SULT4A1: variants seen among roughly 807,000 people sequenced by gnomAD.
SULT4A1 encodes the protein sulfotransferase 4A1.
A neutral mutation model predicts 35.2 loss-of-function variants in SULT4A1; 11 were observed. The ratio of observed to expected loss-of-function variants is 0.31; its 90% CI spans 0.20 to 0.52. The LOEUF is 0.52. SULT4A1 is among the 20% of genes least tolerant of loss of function. The probability of loss-of-function intolerance (pLI) is 0.97; values close to 1 mark genes in which losing one functional copy is unlikely to be tolerated. For synonymous variants in SULT4A1, 152 were observed against 151.8 expected, an observed-to-expected ratio of 1.00 and a Z score of -0.01; for missense variants, 271 against 383.7, an observed-to-expected ratio of 0.71 and a Z score of 2.45.
intron 1 of SULT4A1, among the ~76,000 whole-genome samples, chr22:43,854,543 C>T (rs1221244924): frequency 1.3e-5 from 2 of 152,210 alleles, no homozygotes; most frequent in African/African-American, 2.4e-5. Flanking sequence ...CAGTGCCCAC[C>T]TACACCCCTC....
chr22:43,850,745 G>C (rs997515218), intron 1 of SULT4A1, among the ~76,000 whole-genome samples: 1 of 152,176 alleles, frequency 6.6e-6, no homozygotes, highest in Non-Finnish European at 1.5e-5. Flanking sequence ...ATGTGAGACT[G>C]AGGTGACTGC....
At chr22:43,827,444 A>G in intron 6 of SULT4A1, 2 of 1,222,134 alleles carry the variant, frequency 1.6e-6, no homozygotes, top group Non-Finnish European at 1.0e-6. Flanking sequence ...TGCTAGAGCA[A>G]CCAAACTATT....
intron 6 of SULT4A1, chr22:43,826,535 C>T: frequency 1.0e-6 from 1 of 985,400 alleles, no homozygotes; most frequent in South Asian, 4.7e-5. Context: ...CTCTGGGCAT[C>T]ACAGGCAGCC....
chr22:43,828,657 G>T (rs2063304986), intron 6 of SULT4A1: 1 of 174,312 alleles, frequency 5.7e-6, no homozygotes, highest in Admixed American at 6.3e-5. Context: ...AAGTCAGTTA[G>T]AGACTGAGAA....
chr22:43,837,722 G>A (rs1288041533), intron 4 of SULT4A1, among the ~76,000 whole-genome samples: 3 of 152,150 alleles, frequency 2.0e-5, no homozygotes, highest in Non-Finnish European at 4.4e-5. Context: ...AGCCTGTGGC[G>A]CCCTGCACCG....
intron 1 of SULT4A1, among the ~76,000 whole-genome samples, chr22:43,858,878 G>T (rs527469994): frequency 1.2e-4 from 19 of 152,272 alleles, no homozygotes; most frequent in African/African-American, 4.6e-4. Context: ...AAAGTGGGTG[G>T]AGGGCAAAAC....
intron 1 of SULT4A1, among the ~76,000 whole-genome samples, chr22:43,850,407 A>T (rs2063503185): frequency 6.6e-6 from 1 of 152,216 alleles, no homozygotes; most frequent in Non-Finnish European, 1.5e-5. Flanking sequence ...TACACCATGT[A>T]GTGATTACAT....
rs35440494 is a variant in SULT4A1 at position 43,828,976 on chromosome 22, C to T, written c.742+84G>A. 44 of 1,405,610 alleles carry T rather than the reference C, an allele frequency of 3.1e-5. 1 individual carries two copies. In the Admixed American group the frequency reaches 7.7e-4, roughly 25 times the overall value. 87.1% of individuals were successfully genotyped at this position (1,405,610 alleles called of 1,614,324 possible). On this transcript the variant is annotated intron_variant, in intron 6 of 6. Transcript: ENST00000330884. ...GGAGAGCAGGGAGGGCAACAGGGAC[C>T]GGACTCGGCTCCCTAAGCAGGCAGA...
chr22:43,862,464 GCACA>G lies in SULT4A1; in HGVS notation c.-86_-83del. On this transcript the variant is annotated 5_prime_UTR_variant, in exon 1 of 7. Transcript: ENST00000330884. ...GCGCCCGCGCCCGCGCCCGCGCCCC[GCACA>G]CGCTCGCGCCCCACCGGCGCGCGGC... 24 of 514,020 alleles carry G rather than the reference GCACA, an allele frequency of 4.7e-5. No homozygotes were observed. Among genetic ancestry groups the G allele is most frequent in the Non-Finnish European group, 5.3e-5 (22 of 416,332 alleles). The allele number at this position is 514,020 out of a possible 1,614,324, so 31.8% of individuals were successfully genotyped here.
At position 43,828,631 on chromosome 22, in the gene SULT4A1, C is replaced by A. The variant is rs376288671; in HGVS notation, c.742+429G>T. ...GTGTCTCCTAACTTCCCGCCCACTT[C>A]ATTTAACTCTCCCACAAGTCAGTTA... is the stretch of plus-strand genomic sequence containing the variant. On this transcript the variant is annotated intron_variant, in intron 6 of 6. Coordinates refer to ENST00000330884, the MANE Select transcript of SULT4A1 (RefSeq NM_014351.4). 6.2e-4 allele frequency among the ~76,000 whole-genome samples: 94 copies of A among 152,352 alleles called. No homozygotes were observed. The East Asian group carries it at 0.017, about 28-fold the overall frequency.
At chr22:43,841,709 A>T in intron 2 of SULT4A1, 93 bp downstream of exon 2, 1 of 1,532,494 alleles carries the variant, frequency 6.5e-7, no homozygotes, top group Non-Finnish European at 8.8e-7. Context: ...CCCCTAATCC[A>T]CAGAGCCCCC....
At chr22:43,840,660 T>A (rs1328694370) in intron 2 of SULT4A1, among the ~76,000 whole-genome samples, 1 of 152,180 alleles carries the variant, frequency 6.6e-6, no homozygotes, top group African/African-American at 2.4e-5. Flanking sequence ...CCTGGCCTGA[T>A]GCGCTCACTG....
At chr22:43,838,028 C>G (rs2148286337) in intron 4 of SULT4A1, among the ~76,000 whole-genome samples, 1 of 152,334 alleles carries the variant, frequency 6.6e-6, no homozygotes, top group Middle Eastern at 3.4e-3. Flanking sequence ...GCTCCTCTGC[C>G]TGCACACCCT....
intron 4 of SULT4A1, among the ~76,000 whole-genome samples, chr22:43,838,372 G>A (rs1200279551): frequency 6.6e-6 from 1 of 151,838 alleles, no homozygotes; most frequent in Non-Finnish European, 1.5e-5. Flanking sequence ...GCTTGCCTGT[G>A]CCTGAGGTTC....
At chr22:43,846,327 T>C (rs1435310436) in intron 1 of SULT4A1, among the ~76,000 whole-genome samples, 1 of 152,244 alleles carries the variant, frequency 6.6e-6, no homozygotes, top group Admixed American at 6.5e-5. Context: ...CAATGTGCTA[T>C]CTACCTGCCC....
intron 4 of SULT4A1, 122 bp downstream of exon 4, chr22:43,838,745 C>G (rs2063398022): frequency 3.7e-6 from 5 of 1,359,642 alleles, no homozygotes. Context: ...TGACCGCGGG[C>G]CTGACCTACA....
At chr22:43,842,005 C>T (rs1246922009) in intron 1 of SULT4A1, 73 bp from the exon 2 acceptor site, 5 of 1,542,758 alleles carry the variant, frequency 3.2e-6, no homozygotes, top group Non-Finnish European at 2.6e-6. Context: ...CGGGTCAACA[C>T]CTGCTGCCCA....
chr22:43,858,650 G>A (rs1188425344), intron 1 of SULT4A1, among the ~76,000 whole-genome samples: 6 of 152,058 alleles, frequency 3.9e-5, no homozygotes, highest in Non-Finnish European at 8.8e-5. Context: ...AAAGGGCTCC[G>A]CATGCTCCCT....
chr22:43,841,128 G>T (rs1569503776), intron 2 of SULT4A1, among the ~76,000 whole-genome samples: 1 of 152,256 alleles, frequency 6.6e-6, no homozygotes, highest in Non-Finnish European at 1.5e-5. Context: ...GGTTCCGCAC[G>T]GACAAGGAGA....
Sources: gnomAD v4.1 joint callset for allele counts (sites outside exome capture counted in the v4.1 genomes callset) on GRCh38, gnomAD v4.1.1 for gene constraint, MANE v1.5 for transcripts, NCBI Gene and HGNC (gene_info 2026-07-23, HGNC 2026-07-21) for gene names.